ADAR: variants seen among roughly 807,000 people sequenced by gnomAD.
ADAR encodes the protein adenosine deaminase RNA specific, also known as double-stranded RNA-specific adenosine deaminase.
In ADAR, 41 loss-of-function variants were observed where a neutral mutation model predicts 113.2. The observed-to-expected ratio is 0.36, with a 90% CI of 0.28 to 0.47. The LOEUF is 0.47. Ranked by LOEUF, ADAR falls within the 20% of genes least tolerant of loss-of-function variation. The pLI, the probability that ADAR is intolerant of heterozygous loss-of-function variation, is 1.00. For missense variants in ADAR, 1,242 were observed against 1,540.9 expected, an observed-to-expected ratio of 0.81 and a Z score of 3.25; for synonymous variants, 605 against 572.6, an observed-to-expected ratio of 1.06 and a Z score of -0.81.
At position 154,597,227 on chromosome 1, in the gene ADAR, T is replaced by G; in HGVS notation, c.1975A>C (p.Ser659Arg). ...CVAVGAQTFP[S>R]VSAPSKKVAK... ...ACTTTCTTGCTGGGAGCACTCACAC[T>G]GGGGAAAGTTTGGGCTCCCACTGCA... The change falls in exon 5 of 15, where the codon AGT (serine) becomes CGT (arginine). Residue 659 changes from serine to arginine, a missense_variant. Coordinates refer to ENST00000368474, the MANE Select transcript of ADAR (RefSeq NM_001111.5). The G allele has an allele frequency of 6.2e-7, 1 of 1,614,156 alleles. No individual in the cohort carries two copies. Among genetic ancestry groups the G allele is most frequent in the Non-Finnish European group, 8.5e-7 (1 of 1,180,018 alleles).
rs1696883620 is a variant in ADAR at position 154,588,105 on chromosome 1, C to CG, written c.3019+19dup. 6.2e-7 allele frequency: 1 copy of CG among 1,612,824 alleles called. No individual in the cohort carries two copies. Among genetic ancestry groups the CG allele is most frequent in the Admixed American group, 1.7e-5 (1 of 60,010 alleles). ...TGCAGAGCCTTTTGAGGAAAGGAGG[C>CG]GGGGGCATGTATCACTCACCGTTCT... On this transcript the variant is annotated intron_variant, in intron 11 of 14. Coordinates refer to ENST00000368474, the MANE Select transcript of ADAR (RefSeq NM_001111.5).
chr1:154,624,993 G>A (rs1698894228), intron 1 of ADAR, among the ~76,000 whole-genome samples: 1 of 152,056 alleles, frequency 6.6e-6, no homozygotes, highest in Non-Finnish European at 1.5e-5. Flanking sequence ...ATAAGCACTG[G>A]GCCTCCTTCT....
rs1440092457 is a variant in ADAR at position 154,584,955 on chromosome 1, G to A, written c.3532C>T (p.Leu1178=). The stretch of plus-strand genomic sequence containing the variant: ...TTGGCCTCACCATAGGAGAGTCTCA[G>A]TAGATCCCTGCGGTAACGGAAGGAG... ...LCSFRYRRDL[L]RLSYGEAKKA... Residue 1178 remains leucine (L), a synonymous_variant, in exon 15 of 15, where the codon CTG becomes TTG. Coordinates refer to ENST00000368474, the MANE Select transcript of ADAR (RefSeq NM_001111.5). 1.9e-6 allele frequency: 3 copies of A among 1,614,064 alleles called. No homozygotes were observed. The highest frequency in any genetic ancestry group is 2.2e-5 in the East Asian group (1 of 44,906).
At chr1:154,611,990 T>C (rs1571139297), upstream of ADAR, among the ~76,000 whole-genome samples, 1 of 152,244 alleles carries the variant, frequency 6.6e-6, no homozygotes. Flanking sequence ...TCCCTGCTAT[T>C]CTTGCTTTTT....
At chr1:154,608,672 A>G (rs1395855154), upstream of ADAR, 1 of 152,358 alleles carries the variant, frequency 6.6e-6, no homozygotes, top group African/African-American at 2.4e-5. Context: ...CCGTTTCAGT[A>G]CTGAGCTCCT....
chr1:154,596,891 C>T lies in ADAR; in HGVS notation c.2184G>A (p.Val728=). The T allele has an allele frequency of 6.2e-7, 1 of 1,614,188 alleles. No homozygotes were observed. The highest frequency in any genetic ancestry group is 8.5e-7 in the Non-Finnish European group (1 of 1,180,042). ...ELVRYLNTNP[V]GGLLEYARSH... is the part of the protein sequence containing the mutation. ...AGCGGGCGTACTCCAAAAGGCCACC[C>T]ACAGGGTTGGTGTTCAGGTATCTCA... The change falls in exon 6 of 15, where the codon GTG becomes GTA. Residue 728 remains valine, a synonymous_variant. Coordinates refer to ENST00000368474, the MANE Select transcript of ADAR (RefSeq NM_001111.5).
intron 1 of ADAR, among the ~76,000 whole-genome samples, chr1:154,617,690 G>GA (rs1698672545): frequency 6.6e-6 from 1 of 152,120 alleles, no homozygotes; most frequent in African/African-American, 2.4e-5. Context: ...ATTGGAATAT[G>GA]AATTACAGTG....
rs940816195 is a variant in ADAR, at chr1:154,608,176, G to A, written c.-170C>T. On this transcript the variant is annotated 5_prime_UTR_variant, in exon 1 of 15. Transcript: ENST00000368474. ...CGGGTCTGCGCGCCGGGCCCAAGATGGCTCCGGTTCAATTTCGCTTTCGTT... is the reference window on the plus strand; with the variant it reads ...CGGGTCTGCGCGCCGGGCCCAAGATAGCTCCGGTTCAATTTCGCTTTCGTT... 2.2e-5 allele frequency: 17 copies of A among 777,248 alleles called. No homozygotes were observed. The highest frequency in any genetic ancestry group is 2.9e-5 in the Non-Finnish European group (15 of 524,252). 48.1% of individuals were successfully genotyped at this position (777,248 alleles called of 1,614,324 possible).
At chr1:154,589,716 C>T (rs1445470366) in intron 8 of ADAR, 41 bp downstream of exon 8, 11 of 1,613,584 alleles carry the variant, frequency 6.8e-6, no homozygotes, top group Non-Finnish European at 9.3e-6. Context: ...CACCCGCTTT[C>T]AGGCGCCATG....
At chr1:154,624,977 T>C (rs1698893467) in intron 1 of ADAR, among the ~76,000 whole-genome samples, 1 of 152,230 alleles carries the variant, frequency 6.6e-6, no homozygotes, top group Admixed American at 6.5e-5. Flanking sequence ...AAGGAGCCTG[T>C]GTGTAATAAG....
rs1696928206 is a variant in ADAR at position 154,588,680 on chromosome 1, A to G, written c.2763-7T>C. 1.9e-6 allele frequency: 3 copies of G among 1,614,202 alleles called. No homozygotes were observed. The highest frequency in any genetic ancestry group is 1.7e-6 in the Non-Finnish European group (2 of 1,180,028). On this transcript the variant is annotated splice_polypyrimidine_tract_variant and splice_region_variant and intron_variant, in intron 9 of 14. Transcript: ENST00000368474. Reference sequence around the variant, plus strand: ...TAACTCACTGTAGAGAAACCTACAAAAAGAAAGTCTGGTTAGGAAGGCAGG... The same window carrying G: ...TAACTCACTGTAGAGAAACCTACAAGAAGAAAGTCTGGTTAGGAAGGCAGG...
At chr1:154,595,556 T>C (rs1350215096) in intron 6 of ADAR, among the ~76,000 whole-genome samples, 2 of 152,082 alleles carry the variant, frequency 1.3e-5, no homozygotes, top group African/African-American at 4.8e-5. Context: ...ATTAAGGATA[T>C]AAACAAAGGA....
At chr1:154,627,162 C>G (rs1698963226) in intron 1 of ADAR, among the ~76,000 whole-genome samples, 1 of 152,228 alleles carries the variant, frequency 6.6e-6, no homozygotes, top group South Asian at 2.1e-4. Context: ...GTTTCCCAAA[C>G]TCTGATACCA....
chr1:154,590,448 A>G (rs1557871919), intron 6 of ADAR, 39 bp from the exon 7 acceptor site: 1 of 1,590,154 alleles, frequency 6.3e-7, no homozygotes, highest in East Asian at 2.2e-5. Context: ...CAAGTGCCAG[A>G]CCCTGACATT....
At chr1:154,614,934 G>A (rs1260735691) in intron 1 of ADAR, among the ~76,000 whole-genome samples, 1 of 152,162 alleles carries the variant, frequency 6.6e-6, no homozygotes, top group Admixed American at 6.5e-5. Context: ...GTGTTGGCAA[G>A]TTCAAAAAAA....
intron 1 of ADAR, among the ~76,000 whole-genome samples, chr1:154,619,836 A>G (rs1342036777): frequency 6.6e-6 from 1 of 152,210 alleles, no homozygotes; most frequent in African/African-American, 2.4e-5. Context: ...GCATTTTTGT[A>G]TACTGTGGGA....
At chr1:154,604,208 C>T (rs1392867794) in intron 1 of ADAR, among the ~76,000 whole-genome samples, 1 of 152,248 alleles carries the variant, frequency 6.6e-6, no homozygotes, top group East Asian at 1.9e-4. Flanking sequence ...TTTATAAAAA[C>T]AGGTAGTTTG....
At position 154,601,517 on chromosome 1, in the gene ADAR, G is replaced by A. The variant is rs145166589; in HGVS notation, c.1125C>T (p.Thr375=). 1.0e-4 allele frequency: 161 copies of A among 1,613,722 alleles called. No homozygotes were observed. In the African/African-American group the frequency reaches 1.4e-3, roughly 14 times the overall value. The change falls in exon 2 of 15, where the codon ACC becomes ACT. Residue 375 remains threonine (T), a synonymous_variant. Coordinates refer to ENST00000368474, the MANE Select transcript of ADAR (RefSeq NM_001111.5). This position sits in a 1 kb window ranked among gnomAD's most constrained non-coding sequence, Gnocchi z 4.7. ...TGGTCTCAGGGATTGCAGCTGGAGC[G>A]GTTTCAGGAACACTGTTCGTATTTC... The part of the protein sequence containing the change: ...IKRNTNSVPE[T]APAAIPETKR...
At chr1:154,585,397 T>G in intron 13 of ADAR, 53 bp from the exon 14 acceptor site, 1 of 1,613,074 alleles carries the variant, frequency 6.2e-7, no homozygotes, top group East Asian at 2.2e-5. Flanking sequence ...AGGAATAAGA[T>G]TCTGAAGCAG....
Sources: gnomAD v4.1 joint callset for allele counts (sites outside exome capture counted in the v4.1 genomes callset) on GRCh38, gnomAD v4.1.1 for gene constraint, Gnocchi (gnomAD v3.1) non-coding constraint, MANE v1.5 for transcripts, NCBI Gene and HGNC (gene_info 2026-07-23, HGNC 2026-07-21) for gene names.